AHSA1: variants seen among roughly 807,000 people sequenced by gnomAD.
The protein encoded by AHSA1 is activator of 90 kDa heat shock protein ATPase homolog 1.
A neutral mutation model predicts 46.1 loss-of-function variants in AHSA1; 14 were observed. The ratio of observed to expected loss-of-function variants is 0.30; its 90% CI spans 0.20 to 0.47. AHSA1 has a LOEUF of 0.47. Among genes scored for constraint, AHSA1 ranks in the 20% least tolerant of loss-of-function variants. The pLI is 0.99. For missense variants in AHSA1, 333 were observed against 415.9 expected, an observed-to-expected ratio of 0.80 and a Z score of 1.73; for synonymous variants, 147 against 145.8, an observed-to-expected ratio of 1.01 and a Z score of -0.06.
rs201919799 is a variant in AHSA1 at position 77,468,203 on chromosome 14, T to C, written c.792+19T>C. ...TGATCTGGTGAGTACCTGCCGGCCC[T>C]AGACTCAGGTTATTGCCTCTGGTCA... is the stretch of plus-strand genomic sequence containing the variant. On this transcript the variant is annotated intron_variant, in intron 7 of 8. Coordinates refer to ENST00000216479, the MANE Select transcript of AHSA1 (RefSeq NM_012111.3). 6.7e-7 allele frequency: 1 copy of C among 1,490,642 alleles called. No homozygotes were observed. The highest frequency in any genetic ancestry group is 2.4e-5 in the East Asian group (1 of 41,342). The allele number at this position is 1,490,642 out of a possible 1,614,324, so 92.3% of individuals were successfully genotyped here. A position where few individuals can be genotyped will look rare whatever the true frequency, so the allele number is the denominator to read the frequency against.
intron 6 of AHSA1, 125 bp from the exon 7 acceptor site, chr14:77,467,958 G>A: frequency 1.5e-6 from 1 of 663,668 alleles, no homozygotes; most frequent in Non-Finnish European, 2.5e-6. Flanking sequence ...GGACCCGCCT[G>A]TGGGGCAGAC....
intron 6 of AHSA1, among the ~76,000 whole-genome samples, 183 bp downstream of exon 6, chr14:77,465,850 T>A (rs2079045969): frequency 6.6e-6 from 1 of 151,062 alleles, no homozygotes; most frequent in African/African-American, 2.4e-5. Flanking sequence ...TGAGACGGAG[T>A]CTCGCTCTGT....
chr14:77,468,074 TCCCTG>T lies in AHSA1; in HGVS notation c.691-7_691-3del. 1 of 1,303,070 alleles carries T rather than the reference TCCCTG, an allele frequency of 7.7e-7. No homozygotes were observed. Among genetic ancestry groups the T allele is most frequent in the Non-Finnish European group, 1.0e-6 (1 of 968,966 alleles). The allele number at this position is 1,303,070 out of a possible 1,614,324, so 80.7% of individuals were successfully genotyped here. A position where few individuals can be genotyped will look rare whatever the true frequency, so the allele number is the denominator to read the frequency against. On this transcript the variant is annotated splice_region_variant and splice_polypyrimidine_tract_variant and intron_variant, in intron 6 of 8. Transcript: ENST00000216479. Reference sequence around the variant, plus strand: ...CTCTTTTTTTTTTTTTTTTTTTTTTTCCCTGCAGCTGGTGCAGGCCTTTACCCATG... The same window carrying T: ...CTCTTTTTTTTTTTTTTTTTTTTTTTCAGCTGGTGCAGGCCTTTACCCATG...
In AHSA1 at chr14:77,461,042, C is replaced by T. The variant is rs149173438; in HGVS notation, c.272-1118C>T. 4.8e-3 allele frequency among the ~76,000 whole-genome samples: 735 copies of T among 151,932 alleles called. 7 individuals are homozygous for T. The highest frequency in any genetic ancestry group is 0.017 in the African/African-American group (707 of 41,420). ...GGCGTGGTGGCATGTGCCTGTAGTC[C>T]CAGCTACTCGGGAGGCTGAGGCAGG... On this transcript the variant is annotated intron_variant, in intron 2 of 8. Transcript: ENST00000216479.
Position 77,468,519 on chromosome 14 carries a change from A to G in AHSA1, c.844+11A>G. 6.2e-7 allele frequency: 1 copy of G among 1,607,096 alleles called. No individual in the cohort carries two copies. The highest frequency in any genetic ancestry group is 2.2e-5 in the East Asian group (1 of 44,770). ...AATCTTGGCCAGAGGGTAAGTAAACATATTTATTGCCATTACCCCCAGAAC... is the reference window on the plus strand; with the variant it reads ...AATCTTGGCCAGAGGGTAAGTAAACGTATTTATTGCCATTACCCCCAGAAC... On this transcript the variant is annotated intron_variant, in intron 8 of 8. Transcript: ENST00000216479.
At chr14:77,468,609 C>A in intron 8 of AHSA1, 101 bp downstream of exon 8, 2 of 1,087,986 alleles carry the variant, frequency 1.8e-6, no homozygotes, top group Non-Finnish European at 2.7e-6. Context: ...GTCACTCAGG[C>A]TAGAGTGCAG....
chr14:77,464,957 G>A (rs2079041768), intron 5 of AHSA1, among the ~76,000 whole-genome samples: 1 of 152,184 alleles, frequency 6.6e-6, no homozygotes, highest in Admixed American at 6.5e-5. Context: ...CCAGTTAGGA[G>A]GTTATGAACA....
In AHSA1 at chr14:77,459,897, C is replaced by T. The variant is rs566505893; in HGVS notation, c.271+91C>T. Reference sequence around the variant, plus strand: ...AGAACAGTTTTGAGGAGTTACAGACCTTGAAGGGAGAAGGCAGATGTTGCT... The same window carrying T: ...AGAACAGTTTTGAGGAGTTACAGACTTTGAAGGGAGAAGGCAGATGTTGCT... On this transcript the variant is annotated intron_variant, in intron 2 of 8. Transcript: ENST00000216479. The T allele has an allele frequency of 2.8e-6, 4 of 1,422,484 alleles. No individual in the cohort carries two copies. The South Asian group carries it at 3.5e-5, about 12-fold the overall frequency. 88.1% of individuals were successfully genotyped at this position (1,422,484 alleles called of 1,614,324 possible).
At chr14:77,458,894 T>A (rs1048206893) in intron 1 of AHSA1, among the ~76,000 whole-genome samples, 1 of 152,226 alleles carries the variant, frequency 6.6e-6, no homozygotes, top group Non-Finnish European at 1.5e-5. Flanking sequence ...CCCAAAGTAA[T>A]ATTAGTTTCC....
At chr14:77,463,281 G>A (rs2079033536) in intron 4 of AHSA1, among the ~76,000 whole-genome samples, 1 of 151,126 alleles carries the variant, frequency 6.6e-6, no homozygotes, top group Non-Finnish European at 1.5e-5. Context: ...CACAAGAGAT[G>A]TGCTGTGAGT....
In AHSA1 at chr14:77,468,509, G is replaced by T; in HGVS notation, c.844+1G>T. 2 of 1,610,626 alleles carry T rather than the reference G, an allele frequency of 1.2e-6. No homozygotes were observed. Among genetic ancestry groups the T allele is most frequent in the Non-Finnish European group, 1.7e-6 (2 of 1,178,010 alleles). On this transcript the variant is annotated splice_donor_variant, in intron 8 of 8. Transcript: ENST00000216479. LOFTEE classifies it high-confidence loss of function. ...TGGAGGTTTAAATCTTGGCCAGAGG[G>T]TAAGTAAACATATTTATTGCCATTA...
At chr14:77,468,618 A>G in intron 8 of AHSA1, 110 bp downstream of exon 8, 1 of 992,028 alleles carries the variant, frequency 1.0e-6, no homozygotes, top group South Asian at 1.4e-5. Flanking sequence ...GCTAGAGTGC[A>G]GTGGCATAAT....
chr14:77,462,222 A>G lies in AHSA1; in HGVS notation c.334A>G (p.Asn112Asp). ...HVEIPNLSDE[N>D]SVDEVEISVS... ...GGAGATCCCCAATTTGTCTGATGAA[A>G]ACAGCGTGGATGAAGTGGAGGTTTG... Residue 112 changes from asparagine (N) to aspartate (D), a missense_variant, in exon 3 of 9, where the codon AAC becomes GAC. Transcript: ENST00000216479. The G allele has an allele frequency of 6.2e-7, 1 of 1,613,710 alleles. No individual in the cohort carries two copies. The highest frequency in any genetic ancestry group is 8.5e-7 in the Non-Finnish European group (1 of 1,179,602).
intron 4 of AHSA1, 71 bp downstream of exon 4, chr14:77,462,830 G>A: frequency 1.5e-6 from 2 of 1,328,482 alleles, no homozygotes; most frequent in Admixed American, 1.7e-5. Flanking sequence ...TAAGGGCCTG[G>A]ACAGTCCTTT....
upstream of AHSA1, chr14:77,457,996 G>A (rs1161775516): frequency 5.6e-6 from 3 of 536,700 alleles, no homozygotes; most frequent in Non-Finnish European, 9.7e-6. Context: ...CGGCGAGTTG[G>A]GACGGAAGTA....
intron 6 of AHSA1, 94 bp downstream of exon 6, chr14:77,465,761 A>G (rs2079045406): frequency 2.3e-6 from 3 of 1,279,724 alleles, no homozygotes; most frequent in Admixed American, 2.4e-5. Flanking sequence ...CAGAAGAGGT[A>G]CTCACAAACT....
intron 6 of AHSA1, 34 bp from the exon 7 acceptor site, chr14:77,468,049 C>CA: frequency 4.1e-6 from 3 of 723,680 alleles, no homozygotes; most frequent in Non-Finnish European, 6.0e-6. Flanking sequence ...TATCTTCTGC[C>CA]TCTTTTTTTT....
intron 8 of AHSA1, 157 bp downstream of exon 8, chr14:77,468,665 C>A: frequency 1.5e-6 from 1 of 647,908 alleles, no homozygotes; most frequent in Admixed American, 3.0e-5. Context: ...CAGACCCAAA[C>A]GATCCTCCTG....
chr14:77,459,400 T>C (rs2139935384), intron 1 of AHSA1, among the ~76,000 whole-genome samples: 1 of 152,298 alleles, frequency 6.6e-6, no homozygotes, highest in East Asian at 1.9e-4. Flanking sequence ...ATTGAGTTTA[T>C]ACCATTTTCT....
Sources: gnomAD v4.1 joint callset for allele counts (sites outside exome capture counted in the v4.1 genomes callset) on GRCh38, gnomAD v4.1.1 for gene constraint, MANE v1.5 for transcripts, NCBI Gene and HGNC (gene_info 2026-07-23, HGNC 2026-07-21) for gene names.